The following RTKN variants were observed in gnomAD, a reference collection of about 807,000 sequenced individuals.
RTKN encodes rhotekin.
Under a neutral mutation model 63.5 loss-of-function variants are expected in RTKN, and 49 were observed. The ratio of observed to expected loss-of-function variants is 0.77; its 90% confidence interval spans 0.61 to 0.98. The LOEUF (loss-of-function observed/expected upper bound fraction) is 0.98. Among genes scored for constraint, RTKN ranks in the 50% least tolerant of loss-of-function variants. The probability of loss-of-function intolerance (pLI) is 0.00; values close to 1 mark genes in which losing one functional copy is unlikely to be tolerated. For synonymous variants in RTKN, 295 were observed against 290.4 expected (o/e 1.02, Z -0.16); for missense variants, 685 against 740.8 (o/e 0.92, Z 0.87).
chr2:74,433,635 G>A (rs1216803026), intron 1 of RTKN, among the ~76,000 whole-genome samples: 2 of 151,874 alleles, frequency 1.3e-5, no homozygotes, highest in Admixed American at 6.6e-5. Context: ...GACTACAGGC[G>A]CCCGCCACCA....
chr2:74,439,489 G>A (rs746654131), intron 1 of RTKN: 91 of 1,566,548 alleles, frequency 5.8e-5, no homozygotes, highest in Non-Finnish European at 6.5e-5. Flanking sequence ...GAATGGGCAG[G>A]GCAGAGATTG....
chr2:74,439,009 T>TG (rs1671204342), intron 1 of RTKN, among the ~76,000 whole-genome samples: 1 of 152,188 alleles, frequency 6.6e-6, no homozygotes, highest in African/African-American at 2.4e-5. Context: ...TAGCGCAAGG[T>TG]GCAGTGGCTC....
Position 74,436,483 on chromosome 2 carries a change from G to C in RTKN, c.112-3817C>G, listed in dbSNP as rs573706202. On this transcript the variant is annotated intron_variant, in intron 1 of 11. Transcript: ENST00000272430. The surrounding 1 kb of genome is among the most constrained non-coding windows in gnomAD (Gnocchi z 4.3). ...ACCGAGACTCCATCGCGGCGGGACC[G>C]GACCTCCAGGAGTGCGCCCGCGCCG... 5.3e-5 allele frequency among the ~76,000 whole-genome samples: 8 copies of C among 151,698 alleles called. No homozygotes were observed. The highest frequency in any genetic ancestry group is 1.2e-4 in the Non-Finnish European group (8 of 67,954).
intron 1 of RTKN, chr2:74,439,901 A>C: frequency 1.6e-6 from 2 of 1,268,100 alleles, no homozygotes; most frequent in South Asian, 2.0e-5. Flanking sequence ...GTGGGGTCCC[A>C]GGAGGAAAGG....
chr2:74,437,999 G>C (rs79035100), intron 1 of RTKN, among the ~76,000 whole-genome samples: 1 of 152,044 alleles, frequency 6.6e-6, no homozygotes, highest in African/African-American at 2.4e-5. Flanking sequence ...GTCTGGGCTC[G>C]TTGATAAAGA....
intron 1 of RTKN, among the ~76,000 whole-genome samples, chr2:74,433,013 G>A (rs1420636561): frequency 2.6e-5 from 4 of 152,140 alleles, no homozygotes; most frequent in Non-Finnish European, 5.9e-5. Flanking sequence ...GGAGGCAGAG[G>A]CAGGCGGATC....
chr2:74,426,741 G>A, intron 11 of RTKN, 167 bp from the exon 12 acceptor site: 2 of 1,381,124 alleles, frequency 1.4e-6, no homozygotes, highest in Non-Finnish European at 1.9e-6. Flanking sequence ...GCCCCCTGGG[G>A]CTACAGGCTC....
At chr2:74,426,731 G>T in intron 11 of RTKN, 157 bp from the exon 12 acceptor site, 1 of 1,378,796 alleles carries the variant, frequency 7.3e-7, no homozygotes, top group East Asian at 2.7e-5. Flanking sequence ...CCTCACCTGG[G>T]CCCCCTGGGG....
Position 74,430,484 on chromosome 2 carries a change from TTC to T in RTKN, c.406_407del (p.Glu136IlefsTer7), listed in dbSNP as rs776950821. ...LRIPLMWKDTEYFKNKGDLHR... is the reference protein window; with the variant it reads ...LRIPLMWKDTXYFKNKGDLHR... ...ACTCACCACCTTTGTTCTTGAAATA[TTC>T]TGTGTCCTTCCACATGAGTGGAATC... On this transcript the variant is annotated frameshift_variant, in exon 4 of 12. Coordinates refer to ENST00000272430, the MANE Select transcript of RTKN (RefSeq NM_001015055.2). LOFTEE classifies it high-confidence loss of function. 6.2e-7 allele frequency: 1 copy of T among 1,614,208 alleles called. No individual in the cohort carries two copies. Among genetic ancestry groups the T allele is most frequent in the Non-Finnish European group, 8.5e-7 (1 of 1,180,046 alleles).
intron 2 of RTKN, 140 bp downstream of exon 2, chr2:74,432,327 A>C: frequency 1.2e-6 from 1 of 861,296 alleles, no homozygotes; most frequent in South Asian, 1.3e-5. Context: ...TAAAACACCA[A>C]GGTCTCTCCC....
intron 1 of RTKN, chr2:74,439,698 GT>G: frequency 1.3e-6 from 2 of 1,592,388 alleles, no homozygotes; most frequent in Non-Finnish European, 1.7e-6. Flanking sequence ...CTGTCCCACA[GT>G]TCCTCCTCCC....
At position 74,427,595 on chromosome 2, in the gene RTKN, G is replaced by C. The variant is rs1670480151; in HGVS notation, c.1087-3C>G. On this transcript the variant is annotated splice_region_variant and splice_polypyrimidine_tract_variant and intron_variant, in intron 9 of 11. Coordinates refer to ENST00000272430, the MANE Select transcript of RTKN (RefSeq NM_001015055.2). ...TCCCCTGCCCGGACTCGAGTCTCCT[G>C]CAGGAGAAAGAAGAGGTCTACCTTG... The C allele has an allele frequency of 6.2e-7, 1 of 1,611,432 alleles. No individual in the cohort carries two copies. Among genetic ancestry groups the C allele is most frequent in the Non-Finnish European group, 8.5e-7 (1 of 1,179,616 alleles).
In RTKN at chr2:74,436,157, C is replaced by T. The variant is rs1200343099; in HGVS notation, c.112-3491G>A. 6.6e-6 allele frequency among the ~76,000 whole-genome samples: 1 copy of T among 152,266 alleles called. No individual in the cohort carries two copies. Among genetic ancestry groups the T allele is most frequent in the Admixed American group, 6.5e-5 (1 of 15,294 alleles). ...ACACGGAGGTGTCCTCAACCCCCAT[C>T]TTGGCTAGTCTCATCCCAGTCCCAG... On this transcript the variant is annotated intron_variant, in intron 1 of 11. Transcript: ENST00000272430. This position sits in a 1 kb window ranked among gnomAD's most constrained non-coding sequence, Gnocchi z 4.3.
intron 1 of RTKN, among the ~76,000 whole-genome samples, chr2:74,434,850 C>T (rs369643061): frequency 6.6e-6 from 1 of 152,162 alleles, no homozygotes; most frequent in East Asian, 1.9e-4. Flanking sequence ...AGGAGTGGGG[C>T]ATATGTACTT....
At chr2:74,431,993 A>G (rs1232631397) in intron 2 of RTKN, 2 of 266,292 alleles carry the variant, frequency 7.5e-6, no homozygotes, top group Non-Finnish European at 1.5e-5. Context: ...AGAATGCACA[A>G]TCTAATTTGT....
In RTKN at chr2:74,440,395, G is replaced by C. The variant is rs1671299466; in HGVS notation, c.111+1311C>G. 5.1e-6 allele frequency: 5 copies of C among 986,436 alleles called. No homozygotes were observed. The South Asian group carries it at 1.4e-4, about 28-fold the overall frequency. The allele number at this position is 986,436 out of a possible 1,614,324, so 61.1% of individuals were successfully genotyped here. A position where few individuals can be genotyped will look rare whatever the true frequency, so the allele number is the denominator to read the frequency against. ...GGGAGGAGAGGGAGAGAGGAAGGCA[G>C]GGGTGTGCCTGTCTGCTGCTGTCCC... On this transcript the variant is annotated intron_variant, in intron 1 of 11. Transcript: ENST00000272430.
At chr2:74,434,834 A>G (rs1355894825) in intron 1 of RTKN, among the ~76,000 whole-genome samples, 5 of 152,218 alleles carry the variant, frequency 3.3e-5, no homozygotes, top group Non-Finnish European at 7.3e-5. Context: ...CAGAATAAGA[A>G]TCTCTAGGAG....
rs750920645 is a variant in RTKN, at chr2:74,441,789, CCCGGCT to C, written c.22_27del (p.Ser8_Arg9del). The stretch of plus-strand genomic sequence containing the variant: ...AGGGCGGAGCCCCTGGCCACGGTGA[CCCGGCT>C]CCGGTGGTTTCGGGAGAACATGCTG... On this transcript the variant is annotated inframe_deletion, in exon 1 of 12. Coordinates refer to ENST00000272430, the MANE Select transcript of RTKN (RefSeq NM_001015055.2). The C allele has an allele frequency of 6.2e-7, 1 of 1,611,490 alleles. No homozygotes were observed. The highest frequency in any genetic ancestry group is 1.7e-5 in the Admixed American group (1 of 59,926).
At chr2:74,432,893 C>T (rs551922645) in intron 1 of RTKN, among the ~76,000 whole-genome samples, 1 of 152,220 alleles carries the variant, frequency 6.6e-6, no homozygotes, top group South Asian at 2.1e-4. Flanking sequence ...GGGAGGATCC[C>T]TTGAGCCTAG....
Sources: allele counts gnomAD v4.1 joint callset (sites outside exome capture counted in the v4.1 genomes callset), GRCh38; gene constraint gnomAD v4.1.1; non-coding constraint Gnocchi (gnomAD v3.1); transcripts MANE v1.5; gene names NCBI Gene and HGNC (gene_info 2026-07-23, HGNC 2026-07-21).